The following ARHGAP32 variants were observed in gnomAD, a reference collection of about 807,000 sequenced individuals.
ARHGAP32 encodes the protein rho GTPase-activating protein 32.
ARHGAP32 carries 51 observed loss-of-function variants against 186.5 expected under a neutral mutation model. The ratio of observed to expected loss-of-function variants is 0.27; its 90% CI spans 0.22 to 0.35. ARHGAP32 has a LOEUF of 0.35. Among genes scored for constraint, ARHGAP32 ranks in the 10% least tolerant of loss-of-function variants. The probability of loss-of-function intolerance (pLI) is 1.00; values close to 1 mark genes in which losing one functional copy is unlikely to be tolerated. For missense variants in ARHGAP32, 2,186 were observed against 2,623.5 expected (o/e 0.83, Z 3.64); for synonymous variants, 950 against 964.3 (o/e 0.99, Z 0.27).
chr11:129,168,433 T>C (rs973695390), intron 1 of ARHGAP32, among the ~76,000 whole-genome samples: 5 of 152,098 alleles, frequency 3.3e-5, no homozygotes, highest in Non-Finnish European at 5.9e-5. Context: ...AAGGGAGACG[T>C]TTCATAAAAG....
In ARHGAP32 at chr11:128,976,570, T is replaced by C. The variant is rs772163591; in HGVS notation, c.2187A>G (p.Ala729=). ...TGATGCTTTTAGTCTTACCATCAAC[T>C]GCATGGAGAGATGTAAGAGACTCCT... ...KSEESLTSLH[A]VDGDSKLFRP... Residue 729 remains alanine, a synonymous_variant, in exon 20 of 23, where the codon GCA becomes GCG. Transcript: ENST00000682385. The C allele has an allele frequency of 2.0e-5, 33 of 1,613,656 alleles. No homozygotes were observed. In the East Asian group the frequency reaches 7.1e-4, roughly 35 times the overall value.
chr11:129,232,804 T>C (rs953607613), intron 1 of ARHGAP32, among the ~76,000 whole-genome samples: 2 of 152,122 alleles, frequency 1.3e-5, no homozygotes, highest in Non-Finnish European at 2.9e-5. Context: ...CCTTCCTATC[T>C]TGGAGACAGC....
upstream of ARHGAP32, among the ~76,000 whole-genome samples, chr11:129,195,196 T>C (rs1412356899): frequency 6.6e-6 from 1 of 152,096 alleles, no homozygotes; most frequent in Non-Finnish European, 1.5e-5. Flanking sequence ...GCCAGGCTGG[T>C]CTCGAACTCC....
At chr11:129,102,729 TAG>T (rs1202769146) in intron 5 of ARHGAP32, among the ~76,000 whole-genome samples, 1 of 152,150 alleles carries the variant, frequency 6.6e-6, no homozygotes, top group African/African-American at 2.4e-5. Context: ...GGTTTCAAAT[TAG>T]AGTGACTAAA....
intron 11 of ARHGAP32, among the ~76,000 whole-genome samples, chr11:129,017,667 A>G (rs1214634252): frequency 1.3e-5 from 2 of 152,082 alleles, no homozygotes; most frequent in Non-Finnish European, 2.9e-5. Flanking sequence ...AATCATCTGG[A>G]TTTATAAATC....
intron 10 of ARHGAP32, among the ~76,000 whole-genome samples, chr11:129,047,883 T>C (rs1003238735): frequency 6.6e-6 from 1 of 152,180 alleles, no homozygotes; most frequent in Admixed American, 6.5e-5. Flanking sequence ...CTCCATTGAA[T>C]TGTTAGAATT....
At chr11:129,278,882 C>T (rs1403168860) in intron 1 of ARHGAP32, among the ~76,000 whole-genome samples, 2 of 149,994 alleles carry the variant, frequency 1.3e-5, no homozygotes, top group African/African-American at 4.9e-5. Flanking sequence ...GAACGCCGTC[C>T]GAACGCCCGG....
At chr11:129,162,919 G>A (rs1943560517) in intron 2 of ARHGAP32, among the ~76,000 whole-genome samples, 1 of 152,040 alleles carries the variant, frequency 6.6e-6, no homozygotes, top group Admixed American at 6.6e-5. Flanking sequence ...AATGTGTAGT[G>A]AATATTTTTT....
chr11:129,224,936 A>T (rs993590714), intron 1 of ARHGAP32, among the ~76,000 whole-genome samples: 2 of 151,808 alleles, frequency 1.3e-5, no homozygotes, highest in African/African-American at 4.8e-5. Flanking sequence ...ACATAGCAAG[A>T]CTCTATCTCT....
rs75055830 is a variant in ARHGAP32, at chr11:129,118,805, G to A, written c.444+4641C>T. Among the ~76,000 whole-genome samples, 1,099 of 151,976 alleles carry A rather than the reference G, an allele frequency of 7.2e-3. 6 individuals are homozygous for A. The highest frequency in any genetic ancestry group is 0.013 in the Non-Finnish European group (862 of 67,920). On this transcript the variant is annotated intron_variant, in intron 5 of 22. Coordinates refer to ENST00000682385, the MANE Select transcript of ARHGAP32 (RefSeq NM_001378024.1). ...GAAATTCCCCAGACTTAGGCTAGTG[G>A]GACAAGTATAGCACACAGGTTAACT...
intron 6 of ARHGAP32, among the ~76,000 whole-genome samples, chr11:129,084,221 G>T (rs1355113685): frequency 4.0e-5 from 6 of 151,694 alleles, no homozygotes; most frequent in South Asian, 4.2e-4. Flanking sequence ...AAACATTTAA[G>T]AAAGAAATTA....
At chr11:129,159,589 C>CA (rs1038276046) in intron 2 of ARHGAP32, among the ~76,000 whole-genome samples, 36 of 143,932 alleles carry the variant, frequency 2.5e-4, no homozygotes, top group East Asian at 6.1e-4. Flanking sequence ...GCCTACCTAC[C>CA]AAAAAAAAAA....
intron 2 of ARHGAP32, among the ~76,000 whole-genome samples, chr11:129,143,072 CATATAT>C (rs145242519): frequency 1.6e-4 from 18 of 112,470 alleles, no homozygotes; most frequent in Non-Finnish European, 2.8e-4. Flanking sequence ...GGTAAAACTG[CATATAT>C]ATATATATAT....
chr11:128,991,850 T>C (rs1946063557), intron 12 of ARHGAP32, among the ~76,000 whole-genome samples: 1 of 152,212 alleles, frequency 6.6e-6, no homozygotes, highest in Non-Finnish European at 1.5e-5. Flanking sequence ...GAAGTAAGTA[T>C]GACAAGAATT....
chr11:129,070,972 T>A (rs534039126), intron 6 of ARHGAP32, among the ~76,000 whole-genome samples: 1 of 152,072 alleles, frequency 6.6e-6, no homozygotes, highest in African/African-American at 2.4e-5. Flanking sequence ...CTACTGAGTA[T>A]ATTGTATATT....
At chr11:129,040,201 C>T (rs1939535517) in intron 11 of ARHGAP32, among the ~76,000 whole-genome samples, 1 of 151,778 alleles carries the variant, frequency 6.6e-6, no homozygotes, top group Admixed American at 6.6e-5. Context: ...CAAATTAATT[C>T]TGAGGCCCAG....
In ARHGAP32 at chr11:129,012,335, A is replaced by C. The variant is rs77556219; in HGVS notation, c.1046-13867T>G. Among the ~76,000 whole-genome samples the C allele has an allele frequency of 2.6e-5, 4 of 152,366 alleles. No homozygotes were observed. The South Asian group carries it at 8.3e-4, about 32-fold the overall frequency. Reference sequence around the variant, plus strand: ...TTAAGAAGAAAAACCTGTAATGTCAACTTTGACTTGGAAACATCAACATGA... The same window carrying C: ...TTAAGAAGAAAAACCTGTAATGTCACCTTTGACTTGGAAACATCAACATGA... On this transcript the variant is annotated intron_variant, in intron 11 of 22. Coordinates refer to ENST00000682385, the MANE Select transcript of ARHGAP32 (RefSeq NM_001378024.1).
At chr11:129,250,086 A>G (rs1307563443) in intron 1 of ARHGAP32, among the ~76,000 whole-genome samples, 1 of 151,946 alleles carries the variant, frequency 6.6e-6, no homozygotes, top group African/African-American at 2.4e-5. Flanking sequence ...GTGTGGTAGT[A>G]CATGCCTGTG....
intron 11 of ARHGAP32, among the ~76,000 whole-genome samples, chr11:129,005,066 G>A (rs963979495): frequency 6.6e-6 from 1 of 152,032 alleles, no homozygotes; most frequent in Non-Finnish European, 1.5e-5. Flanking sequence ...AGTTTATCAT[G>A]AGGCTTGCAA....
Sources: gnomAD v4.1 joint callset for allele counts (sites outside exome capture counted in the v4.1 genomes callset) on GRCh38, gnomAD v4.1.1 for gene constraint, MANE v1.5 for transcripts, NCBI Gene and HGNC (gene_info 2026-07-23, HGNC 2026-07-21) for gene names.